CDH12: variants seen among roughly 807,000 people sequenced by gnomAD.
The protein encoded by CDH12 is cadherin 12.
In CDH12, 41 loss-of-function variants were observed where a neutral mutation model predicts 74.1. The ratio of observed to expected loss-of-function variants is 0.55; its 90% CI spans 0.43 to 0.72. The LOEUF (loss-of-function observed/expected upper bound fraction) is 0.72. Ranked by LOEUF, CDH12 falls within the 30% of genes least tolerant of loss-of-function variation. The pLI is 0.00. For missense variants in CDH12, 945 were observed against 977.2 expected (o/e 0.97, Z 0.44); for synonymous variants, 399 against 355.0 (o/e 1.12, Z -1.39).
At chr5:22,271,383 C>T (rs918187609) in intron 3 of CDH12, among the ~76,000 whole-genome samples, 3 of 152,172 alleles carry the variant, frequency 2.0e-5, no homozygotes, top group African/African-American at 7.2e-5. Flanking sequence ...TTGCAATTGT[C>T]ATCACGTCTG....
intron 2 of CDH12, among the ~76,000 whole-genome samples, chr5:22,496,279 T>C (rs1747103887): frequency 6.6e-6 from 1 of 152,214 alleles, no homozygotes; most frequent in African/African-American, 2.4e-5. Context: ...TGCTACTTTG[T>C]TAGTAACATG....
At chr5:22,821,964 C>T (rs1258690495) in intron 1 of CDH12, among the ~76,000 whole-genome samples, 2 of 152,080 alleles carry the variant, frequency 1.3e-5, no homozygotes, top group East Asian at 3.9e-4. Flanking sequence ...AGGCATCACG[C>T]TACCTGACTT....
chr5:21,880,615 C>CCTTCCTTCCTT (rs1561268384), intron 6 of CDH12, among the ~76,000 whole-genome samples: 2 of 84,658 alleles, frequency 2.4e-5, no homozygotes, highest in African/African-American at 9.4e-5. Flanking sequence ...TTCCTTCCTT[C>CCTTCCTTCCTT]CTTCTTTCTT....
intron 3 of CDH12, among the ~76,000 whole-genome samples, chr5:22,345,479 G>A (rs148898098): frequency 6.6e-6 from 1 of 152,228 alleles, no homozygotes. Context: ...GTCAGCCACA[G>A]ATTCTTTAAC....
chr5:22,292,061 A>G (rs1737409782), intron 3 of CDH12, among the ~76,000 whole-genome samples: 1 of 152,206 alleles, frequency 6.6e-6, no homozygotes, highest in Non-Finnish European at 1.5e-5. Context: ...ATGCATTTAC[A>G]GCCAACTGAT....
In CDH12 at chr5:21,953,188, C is replaced by T. The variant is rs541394325; in HGVS notation, c.526+21903G>A. Among the ~76,000 whole-genome samples, 5 of 152,148 alleles carry T rather than the reference C, an allele frequency of 3.3e-5. No individual in the cohort carries two copies. The East Asian group carries it at 7.8e-4, about 24-fold the overall frequency. ...AATAAGATCCTTGGTCTTTCCCCCA[C>T]TCTTATCTGAACTCAGGCATTCCTT... On this transcript the variant is annotated intron_variant, in intron 6 of 14. Transcript: ENST00000382254.
intron 9 of CDH12, among the ~76,000 whole-genome samples, chr5:21,814,095 AGG>A (rs1227119834): frequency 1.3e-5 from 2 of 151,860 alleles, no homozygotes; most frequent in South Asian, 2.1e-4. Context: ...AATGAATTTC[AGG>A]CCAGTAAAAT....
intron 14 of CDH12, among the ~76,000 whole-genome samples, chr5:21,754,277 T>A (rs1362762462): frequency 6.6e-6 from 1 of 152,146 alleles, no homozygotes; most frequent in East Asian, 1.9e-4. Flanking sequence ...CATTAGTGAC[T>A]CCATTTTGAC....
intron 1 of CDH12, among the ~76,000 whole-genome samples, chr5:22,529,785 A>G (rs1737504981): frequency 6.6e-6 from 1 of 152,174 alleles, no homozygotes; most frequent in Non-Finnish European, 1.5e-5. Context: ...AGTGCCAGAT[A>G]TTGGCAATGA....
At chr5:21,872,974 G>GA (rs931683026) in intron 6 of CDH12, among the ~76,000 whole-genome samples, 5 of 150,214 alleles carry the variant, frequency 3.3e-5, no homozygotes, top group African/African-American at 1.2e-4. Flanking sequence ...TTAAGTAAAA[G>GA]AAAAAAACAT....
chr5:22,579,689 T>C (rs556112062), intron 1 of CDH12, among the ~76,000 whole-genome samples: 2 of 152,298 alleles, frequency 1.3e-5, no homozygotes, highest in South Asian at 2.1e-4. Context: ...AGAGACACAC[T>C]ACACAATACA....
chr5:22,634,615 GA>G (rs1379586924), intron 1 of CDH12, among the ~76,000 whole-genome samples: 1 of 151,916 alleles, frequency 6.6e-6, no homozygotes, highest in Non-Finnish European at 1.5e-5. Flanking sequence ...TAAATCAAAG[GA>G]AAAATATACA....
chr5:22,379,603 C>T (rs1402196944), intron 3 of CDH12, among the ~76,000 whole-genome samples: 1 of 152,104 alleles, frequency 6.6e-6, no homozygotes, highest in Admixed American at 6.6e-5. Flanking sequence ...ATCTCCTGTG[C>T]AATTCTAATT....
chr5:22,815,769 C>CAAAAAAAAAAAAAA (rs34135797), intron 1 of CDH12, among the ~76,000 whole-genome samples: 10 of 97,024 alleles, frequency 1.0e-4, no homozygotes, highest in Non-Finnish European at 1.2e-4. Flanking sequence ...GACTCCGTCT[C>CAAAAAAAAAAAAAA]AAAAAAAAAA....
At chr5:22,529,982 G>C (rs984039923) in intron 1 of CDH12, among the ~76,000 whole-genome samples, 1 of 152,008 alleles carries the variant, frequency 6.6e-6, no homozygotes. Context: ...CAGCAAAACA[G>C]AATATTAAAA....
chr5:22,048,840 AAAT>A lies in CDH12; in HGVS notation c.231+29603_231+29605del, dbSNP rs548209828. ...GACAGAGTTAGTAATAACATTCTAC[AAAT>A]AATAATAAGGACCATGAGAAAAGAC... On this transcript the variant is annotated intron_variant, in intron 5 of 14. Transcript: ENST00000382254. 3.1e-3 allele frequency among the ~76,000 whole-genome samples: 467 copies of A among 152,290 alleles called. 4 individuals are homozygous for A. The highest frequency in any genetic ancestry group is 3.6e-3 in the Non-Finnish European group (248 of 68,000).
chr5:21,942,362 AC>A (rs1341366546), intron 6 of CDH12, among the ~76,000 whole-genome samples: 1 of 145,560 alleles, frequency 6.9e-6, no homozygotes, highest in Non-Finnish European at 1.5e-5. Context: ...ACACACACAC[AC>A]ACACACACAC....
At chr5:22,415,909 A>G (rs1047260482) in intron 2 of CDH12, among the ~76,000 whole-genome samples, 4 of 143,624 alleles carry the variant, frequency 2.8e-5, no homozygotes, top group Non-Finnish European at 6.0e-5. Flanking sequence ...ACAAAACAAT[A>G]AAAAAAAAAA....
intron 6 of CDH12, among the ~76,000 whole-genome samples, chr5:21,973,432 C>T (rs902169214): frequency 6.6e-6 from 1 of 152,302 alleles, no homozygotes; most frequent in East Asian, 1.9e-4. Context: ...CACTTACCTA[C>T]ACTTTTGACT....
Sources: gnomAD v4.1 joint callset for allele counts (sites outside exome capture counted in the v4.1 genomes callset) on GRCh38, gnomAD v4.1.1 for gene constraint, MANE v1.5 for transcripts, NCBI Gene and HGNC (gene_info 2026-07-23, HGNC 2026-07-21) for gene names.